The following MAGI3 variants were observed in gnomAD, a reference collection of about 807,000 sequenced individuals.
MAGI3 encodes membrane associated guanylate kinase, WW and PDZ domain containing 3, also known as membrane-associated guanylate kinase, WW and PDZ domain-containing protein 3.
Under a neutral mutation model 121.8 loss-of-function variants are expected in MAGI3, and 43 were observed. The observed-to-expected ratio is 0.35, with a 90% CI of 0.28 to 0.46. The LOEUF (loss-of-function observed/expected upper bound fraction) is 0.46. Among genes scored for constraint, MAGI3 ranks in the 20% least tolerant of loss-of-function variants. The pLI, the probability that MAGI3 is intolerant of heterozygous loss-of-function variation, is 1.00. For missense variants in MAGI3, 1,547 were observed against 1,797.3 expected, an observed-to-expected ratio of 0.86 and a Z score of 2.52; for synonymous variants, 553 against 639.3, an observed-to-expected ratio of 0.86 and a Z score of 2.04.
intron 6 of MAGI3, among the ~76,000 whole-genome samples, chr1:113,613,559 T>A (rs1355943174): frequency 1.3e-5 from 2 of 152,218 alleles, no homozygotes; most frequent in Non-Finnish European, 2.9e-5. Flanking sequence ...AACTAATAAG[T>A]CTTGTGATGC....
chr1:113,459,292 G>C (rs555469676), intron 1 of MAGI3, among the ~76,000 whole-genome samples: 1 of 152,138 alleles, frequency 6.6e-6, no homozygotes, highest in Non-Finnish European at 1.5e-5. Context: ...TTCTACATCA[G>C]TTATTTTTTC....
At chr1:113,399,409 G>A (rs139899435) in intron 1 of MAGI3, among the ~76,000 whole-genome samples, 4 of 152,218 alleles carry the variant, frequency 2.6e-5, no homozygotes, top group African/African-American at 9.6e-5. Flanking sequence ...GTTCCTGAAA[G>A]GGTGGGATGC....
chr1:113,403,052 C>G (rs1449252869), intron 1 of MAGI3, among the ~76,000 whole-genome samples: 1 of 152,084 alleles, frequency 6.6e-6, no homozygotes, highest in African/African-American at 2.4e-5. Flanking sequence ...GGGTTCAGTG[C>G]AGGAAACAGA....
At chr1:113,515,882 G>T (rs980438629) in intron 1 of MAGI3, among the ~76,000 whole-genome samples, 1 of 152,068 alleles carries the variant, frequency 6.6e-6, no homozygotes, top group Non-Finnish European at 1.5e-5. Context: ...GCATGTGCAG[G>T]TTGTTGAATT....
intron 1 of MAGI3, among the ~76,000 whole-genome samples, chr1:113,509,190 C>T (rs534587182): frequency 9.0e-4 from 136 of 151,954 alleles, no homozygotes; most frequent in Non-Finnish European, 1.7e-3. Context: ...ACAACAAAAT[C>T]GTTTACTCAT....
At position 113,470,483 on chromosome 1, in the gene MAGI3, C is replaced by T. The variant is rs74794582; in HGVS notation, c.317-79032C>T. On this transcript the variant is annotated intron_variant, in intron 1 of 20. Transcript: ENST00000307546. ...TAACCTATTGACCAGAACTTAATCACGTGGACACATCTATCTGCAAATGTG... is the reference window on the plus strand; with the variant it reads ...TAACCTATTGACCAGAACTTAATCATGTGGACACATCTATCTGCAAATGTG... 7.0e-3 allele frequency among the ~76,000 whole-genome samples: 1,064 copies of T among 152,242 alleles called. 10 individuals are homozygous for T. The highest frequency in any genetic ancestry group is 0.018 in the Admixed American group (273 of 15,284).
At chr1:113,465,810 G>C (rs928512015) in intron 1 of MAGI3, among the ~76,000 whole-genome samples, 1 of 151,970 alleles carries the variant, frequency 6.6e-6, no homozygotes, top group Admixed American at 6.6e-5. Context: ...TTTGCTGTTG[G>C]TGGGTATAAA....
chr1:113,678,694 T>C (rs1344218476), intron 19 of MAGI3, among the ~76,000 whole-genome samples: 1 of 152,226 alleles, frequency 6.6e-6, no homozygotes, highest in Non-Finnish European at 1.5e-5. Context: ...TCATGTTTTA[T>C]CTTAAGTCCT....
rs1268298356 is a variant in MAGI3, at chr1:113,580,670, C to A, written c.553+9C>A. The A allele has an allele frequency of 1.7e-5, 27 of 1,591,252 alleles. No individual in the cohort carries two copies. The highest frequency in any genetic ancestry group is 2.2e-5 in the Non-Finnish European group (26 of 1,169,160). On this transcript the variant is annotated intron_variant, in intron 3 of 20. Transcript: ENST00000307546. ...AAGTGGGACATATGATGGTATGTCC[C>A]CAAATAACATCACTACCACCCAAAA...
chr1:113,628,888 A>C (rs1651417451), intron 9 of MAGI3, among the ~76,000 whole-genome samples: 1 of 152,052 alleles, frequency 6.6e-6, no homozygotes, highest in Non-Finnish European at 1.5e-5. Flanking sequence ...AAATGCCATG[A>C]GGTAGTCTCC....
At position 113,558,057 on chromosome 1, in the gene MAGI3, A is replaced by G. The variant is rs1557822296; in HGVS notation, c.433+8426A>G. Among the ~76,000 whole-genome samples the G allele has an allele frequency of 2.0e-5, 3 of 152,202 alleles. No homozygotes were observed. The South Asian group carries it at 6.2e-4, about 31-fold the overall frequency. On this transcript the variant is annotated intron_variant, in intron 2 of 20. Transcript: ENST00000307546. The stretch of plus-strand genomic sequence containing the variant: ...AAAACCACAAAAACCCCATCCAAAG[A>G]TCAGCAACCTCAAAGATCAAAGGTA...
At chr1:113,455,149 C>T (rs553435949) in intron 1 of MAGI3, among the ~76,000 whole-genome samples, 4 of 152,052 alleles carry the variant, frequency 2.6e-5, no homozygotes, top group South Asian at 2.1e-4. Flanking sequence ...AGGATAAATT[C>T]GAGAGTGGAC....
At chr1:113,450,346 G>A in intron 1 of MAGI3, 1 of 1,328,106 alleles carries the variant, frequency 7.5e-7, no homozygotes, top group South Asian at 1.2e-5. Flanking sequence ...AGCTATGGTG[G>A]TGGAGGTGGT....
chr1:113,410,822 G>A (rs776490630), intron 1 of MAGI3, among the ~76,000 whole-genome samples: 32 of 152,154 alleles, frequency 2.1e-4, no homozygotes, highest in Non-Finnish European at 3.1e-4. Flanking sequence ...GGCCCAGTGA[G>A]GATGCCTAGT....
rs1333250978 is a variant in MAGI3 at position 113,673,471 on chromosome 1, T to C, written c.3189+6T>C. 1 of 1,612,102 alleles carries C rather than the reference T, an allele frequency of 6.2e-7. No homozygotes were observed. The highest frequency in any genetic ancestry group is 8.5e-7 in the Non-Finnish European group (1 of 1,179,760). On this transcript the variant is annotated splice_donor_region_variant and intron_variant, in intron 19 of 20. Transcript: ENST00000307546. ...TCAAAGATGGCAGAATTCATGTGAG[T>C]TGGTTTCTGTCTGTAACCTTAGGTT...
At chr1:113,555,963 CTG>C (rs1438908323) in intron 2 of MAGI3, among the ~76,000 whole-genome samples, 2 of 152,090 alleles carry the variant, frequency 1.3e-5, no homozygotes, top group African/African-American at 2.4e-5. Flanking sequence ...TCTAAATAAA[CTG>C]TGAGTTGAAT....
intron 9 of MAGI3, among the ~76,000 whole-genome samples, chr1:113,640,144 G>T (rs1177634843): frequency 6.6e-6 from 1 of 152,178 alleles, no homozygotes; most frequent in East Asian, 1.9e-4. Flanking sequence ...CAACATCGCT[G>T]ATTATTAAAG....
intron 1 of MAGI3, among the ~76,000 whole-genome samples, chr1:113,527,113 T>C (rs553881354): frequency 7.9e-5 from 12 of 152,300 alleles, no homozygotes; most frequent in Admixed American, 2.6e-4. Flanking sequence ...ATAATAGTTA[T>C]TGTTGCAATT....
In MAGI3 at chr1:113,489,975, C is replaced by T. The variant is rs542171337; in HGVS notation, c.317-59540C>T. 2.3e-3 allele frequency among the ~76,000 whole-genome samples: 346 copies of T among 152,164 alleles called. 2 individuals carry two copies. The highest frequency in any genetic ancestry group is 8.0e-3 in the African/African-American group (332 of 41,520). On this transcript the variant is annotated intron_variant, in intron 1 of 20. Transcript: ENST00000307546. ...ACTTGGAAAACATATTTCAGGATAT[C>T]ATCCATGAGAACTTCCCCAACCTAC...
Sources: gnomAD v4.1 joint callset for allele counts (sites outside exome capture counted in the v4.1 genomes callset) on GRCh38, gnomAD v4.1.1 for gene constraint, MANE v1.5 for transcripts, NCBI Gene and HGNC (gene_info 2026-07-23, HGNC 2026-07-21) for gene names.